Variants in KHDRBS2 observed in about 807,000 individuals in gnomAD.
The protein encoded by KHDRBS2 is KH domain-containing, RNA-binding, signal transduction-associated protein 2.
A neutral mutation model predicts 44.3 loss-of-function variants in KHDRBS2; 26 were observed. That is an observed-to-expected ratio of 0.59 (90% CI 0.43 to 0.81). The LOEUF is 0.81. KHDRBS2 is among the 40% of genes least tolerant of loss of function. KHDRBS2 has a pLI of 0.00. For missense variants in KHDRBS2, 476 were observed against 433.1 expected, an observed-to-expected ratio of 1.10 and a Z score of -0.88; for synonymous variants, 194 against 151.1, an observed-to-expected ratio of 1.28 and a Z score of -2.08.
intron 1 of KHDRBS2, among the ~76,000 whole-genome samples, chr6:62,233,597 C>A (rs1423865301): frequency 6.6e-6 from 1 of 152,056 alleles, no homozygotes; most frequent in Non-Finnish European, 1.5e-5. Flanking sequence ...AGATATTCAG[C>A]CTGGTACGCA....
the KHDRBS2 span, among the ~76,000 whole-genome samples, chr6:61,600,250 T>A: frequency 2.6e-5 from 4 of 152,116 alleles, no homozygotes. Context: ...TACATCCAGA[T>A]AGCCTGAAGT....
chr6:61,721,183 C>G (rs190257278), intron 7 of KHDRBS2, among the ~76,000 whole-genome samples: 1 of 151,984 alleles, frequency 6.6e-6, no homozygotes, highest in Admixed American at 6.6e-5. Context: ...TTACTGTAGC[C>G]TTGTAGTATA....
intron 2 of KHDRBS2, among the ~76,000 whole-genome samples, chr6:62,059,197 A>ATTTTTTTTTTTTT: frequency 6.6e-5 from 2 of 30,128 alleles, no homozygotes; most frequent in African/African-American, 1.6e-4. Flanking sequence ...AAAGTTAGGA[A>ATTTTTTTTTTTTT]GTTTTTTTTT....
chr6:61,857,818 C>T (rs1796357844), intron 6 of KHDRBS2, among the ~76,000 whole-genome samples: 1 of 151,862 alleles, frequency 6.6e-6, no homozygotes, highest in Admixed American at 6.6e-5. Flanking sequence ...ATCCAATAAC[C>T]TCCTTTATTA....
intron 6 of KHDRBS2, among the ~76,000 whole-genome samples, chr6:61,820,515 T>G (rs1383392181): frequency 6.6e-6 from 1 of 152,032 alleles, no homozygotes; most frequent in African/African-American, 2.4e-5. Flanking sequence ...TTTTGGCTAT[T>G]TTAAGCAGTT....
At chr6:61,554,288 G>A in the KHDRBS2 span, among the ~76,000 whole-genome samples, 1 of 151,772 alleles carries the variant, frequency 6.6e-6, no homozygotes, top group Non-Finnish European at 1.5e-5. Flanking sequence ...AATCTTTGTT[G>A]GTTTAAAGTC....
At chr6:61,964,344 G>A (rs1177056168) in intron 4 of KHDRBS2, among the ~76,000 whole-genome samples, 4 of 151,936 alleles carry the variant, frequency 2.6e-5, no homozygotes, top group East Asian at 1.9e-4. Flanking sequence ...TGAGAATGAC[G>A]GCACAAGCAA....
intron 2 of KHDRBS2, among the ~76,000 whole-genome samples, chr6:62,061,694 G>A (rs1357398747): frequency 6.6e-6 from 1 of 151,084 alleles, no homozygotes; most frequent in Non-Finnish European, 1.5e-5. Flanking sequence ...GGCCTTCTCT[G>A]TATTTCCTGA....
At chr6:62,242,488 G>A (rs980504816) in intron 1 of KHDRBS2, among the ~76,000 whole-genome samples, 1 of 152,046 alleles carries the variant, frequency 6.6e-6, no homozygotes, top group Non-Finnish European at 1.5e-5. Flanking sequence ...CCCCTGTTGT[G>A]ACAAGCAAAA....
At chr6:62,242,647 AT>A (rs1176436773) in intron 1 of KHDRBS2, among the ~76,000 whole-genome samples, 2 of 152,052 alleles carry the variant, frequency 1.3e-5, no homozygotes, top group African/African-American at 4.8e-5. Flanking sequence ...AAAAAAAAAT[AT>A]TTTTCCCCTA....
intron 6 of KHDRBS2, among the ~76,000 whole-genome samples, chr6:61,819,569 C>T (rs1789546186): frequency 6.6e-6 from 1 of 151,890 alleles, no homozygotes; most frequent in African/African-American, 2.4e-5. Context: ...TAACTGAGTG[C>T]ACTGTTCTTT....
the KHDRBS2 span, among the ~76,000 whole-genome samples, chr6:61,649,053 G>C: frequency 3.9e-5 from 6 of 152,140 alleles, no homozygotes; most frequent in Admixed American, 2.0e-4. Flanking sequence ...ACCGGGGGCT[G>C]CTTTGACAGG....
intron 1 of KHDRBS2, among the ~76,000 whole-genome samples, chr6:62,224,193 G>C (rs1376687253): frequency 5.9e-5 from 9 of 152,150 alleles, no homozygotes; most frequent in Non-Finnish European, 1.3e-4. Context: ...ACAGCAGCAA[G>C]AGAAAATGAG....
chr6:61,658,499 C>T, the KHDRBS2 span, among the ~76,000 whole-genome samples: 1 of 151,862 alleles, frequency 6.6e-6, no homozygotes, highest in Non-Finnish European at 1.5e-5. Flanking sequence ...TTTTTAAAAT[C>T]TGCATAATTA....
At chr6:62,072,208 C>A (rs530936115) in intron 2 of KHDRBS2, among the ~76,000 whole-genome samples, 3 of 152,238 alleles carry the variant, frequency 2.0e-5, no homozygotes, top group African/African-American at 7.2e-5. Flanking sequence ...TGAGACTTGG[C>A]TGAATTTGCT....
chr6:61,566,337 T>C, the KHDRBS2 span, among the ~76,000 whole-genome samples: 1 of 152,230 alleles, frequency 6.6e-6, no homozygotes, highest in African/African-American at 2.4e-5. Flanking sequence ...ACAATAGGAA[T>C]GATTATAGTT....
chr6:61,842,924 A>ACTATCTGTATAGATTACAGATAGATAAT (rs767838645), intron 6 of KHDRBS2, among the ~76,000 whole-genome samples: 9,132 of 150,680 alleles, frequency 0.061, 386 homozygotes, highest in Middle Eastern at 0.11. Context: ...ATACAGATAA[A>ACTATCTGTATAGATTACAGATAGATAAT]CTATCTGTAT....
At chr6:62,107,639 A>C (rs1474544362) in intron 2 of KHDRBS2, among the ~76,000 whole-genome samples, 1 of 152,208 alleles carries the variant, frequency 6.6e-6, no homozygotes, top group Non-Finnish European at 1.5e-5. Flanking sequence ...TCGCCAAGTC[A>C]ATCCTAAGCT....
chr6:61,774,806 C>T (rs1159591668), intron 6 of KHDRBS2, among the ~76,000 whole-genome samples: 1 of 152,128 alleles, frequency 6.6e-6, no homozygotes, highest in Non-Finnish European at 1.5e-5. Context: ...CCAGCATCAT[C>T]CTGATACCAA....
Sources: gnomAD v4.1 joint callset for allele counts (sites outside exome capture counted in the v4.1 genomes callset) on GRCh38, gnomAD v4.1.1 for gene constraint, MANE v1.5 for transcripts, NCBI Gene and HGNC (gene_info 2026-07-23, HGNC 2026-07-21) for gene names.